KCNIP4: variants seen among roughly 807,000 people sequenced by gnomAD.
KCNIP4 encodes the protein potassium voltage-gated channel interacting protein 4, also known as Kv channel-interacting protein 4.
Under a neutral mutation model 34.0 loss-of-function variants are expected in KCNIP4, and 12 were observed. The ratio of observed to expected loss-of-function variants is 0.35; its 90% CI spans 0.23 to 0.57. The LOEUF (loss-of-function observed/expected upper bound fraction) is 0.57, where lower values mean the gene tolerates loss of function less well. Ranked by LOEUF, KCNIP4 falls within the 20% of genes least tolerant of loss-of-function variation. The probability of loss-of-function intolerance (pLI) is 0.83; values close to 1 mark genes in which losing one functional copy is unlikely to be tolerated. For missense variants in KCNIP4, 238 were observed against 311.7 expected (o/e 0.76, Z 1.78); for synonymous variants, 124 against 102.2 (o/e 1.21, Z -1.29).
intron 1 of KCNIP4, among the ~76,000 whole-genome samples, chr4:21,742,224 A>T (rs1390474371): frequency 6.6e-6 from 1 of 152,184 alleles, no homozygotes; most frequent in African/African-American, 2.4e-5. Context: ...TTTGTTGTCC[A>T]ACCATGCATT....
intron 1 of KCNIP4, among the ~76,000 whole-genome samples, chr4:21,947,549 G>C (rs751716614): frequency 2.0e-5 from 3 of 152,136 alleles, no homozygotes; most frequent in Non-Finnish European, 4.4e-5. Flanking sequence ...CCATAAATTC[G>C]AATGATTGAC....
intron 3 of KCNIP4, among the ~76,000 whole-genome samples, chr4:20,810,606 C>T (rs1443982335): frequency 3.3e-5 from 5 of 152,014 alleles, no homozygotes; most frequent in Admixed American, 6.6e-5. Context: ...TTTAGTCTTC[C>T]ATGTGAATGT....
At chr4:21,896,466 A>C (rs1387162645) in intron 1 of KCNIP4, among the ~76,000 whole-genome samples, 1 of 152,128 alleles carries the variant, frequency 6.6e-6, no homozygotes, top group Non-Finnish European at 1.5e-5. Context: ...GGCATATTCT[A>C]GGATATGAGA....
chr4:20,918,307 C>T (rs1729044122), intron 1 of KCNIP4, among the ~76,000 whole-genome samples: 1 of 151,998 alleles, frequency 6.6e-6, no homozygotes, highest in Middle Eastern at 3.2e-3. Flanking sequence ...CACTCTAGGT[C>T]CATATTCCTC....
intron 1 of KCNIP4, among the ~76,000 whole-genome samples, chr4:21,542,701 A>T (rs1034899711): frequency 1.3e-5 from 2 of 150,474 alleles, no homozygotes; most frequent in South Asian, 2.1e-4. Context: ...TATATATAAA[A>T]ATATATATAT....
chr4:20,922,593 G>C (rs542037718), intron 1 of KCNIP4, among the ~76,000 whole-genome samples: 2 of 114,956 alleles, frequency 1.7e-5, no homozygotes, highest in Non-Finnish European at 3.9e-5. Flanking sequence ...ATCTCCTATT[G>C]GTTCTATTTC....
chr4:21,824,613 C>A (rs558052615), intron 1 of KCNIP4, among the ~76,000 whole-genome samples: 2 of 152,096 alleles, frequency 1.3e-5, no homozygotes, highest in Non-Finnish European at 2.9e-5. Flanking sequence ...TGGCCTTGCA[C>A]CCACAAAATT....
chr4:21,559,849 C>G (rs967453217), intron 1 of KCNIP4, among the ~76,000 whole-genome samples: 1 of 152,218 alleles, frequency 6.6e-6, no homozygotes, highest in East Asian at 1.9e-4. Context: ...TACTTCTATT[C>G]TTTCTCCCAT....
At chr4:21,516,943 G>A (rs558143852) in intron 1 of KCNIP4, among the ~76,000 whole-genome samples, 1 of 152,266 alleles carries the variant, frequency 6.6e-6, no homozygotes, top group South Asian at 2.1e-4. Context: ...GCACTCTGGA[G>A]AATACCAAAG....
At chr4:21,581,611 A>G (rs957060281) in intron 1 of KCNIP4, among the ~76,000 whole-genome samples, 4 of 152,016 alleles carry the variant, frequency 2.6e-5, no homozygotes, top group Non-Finnish European at 5.9e-5. Flanking sequence ...CTGCACAGTT[A>G]TTAAAGGGCT....
At chr4:21,948,215 G>A (rs1730609232) in intron 1 of KCNIP4, among the ~76,000 whole-genome samples, 1 of 152,226 alleles carries the variant, frequency 6.6e-6, no homozygotes, top group Non-Finnish European at 1.5e-5. Flanking sequence ...ATCCCCAGGT[G>A]TTAGGGGAAG....
chr4:21,600,070 C>T (rs1424017093), intron 1 of KCNIP4, among the ~76,000 whole-genome samples: 3 of 152,064 alleles, frequency 2.0e-5, no homozygotes, highest in Non-Finnish European at 4.4e-5. Context: ...TTTCAAACTG[C>T]TTCTTTCTTC....
At chr4:21,637,629 A>G (rs1028890745) in intron 1 of KCNIP4, among the ~76,000 whole-genome samples, 6 of 151,924 alleles carry the variant, frequency 3.9e-5, no homozygotes, top group African/African-American at 1.5e-4. Context: ...CTAATAATAC[A>G]AAAATTAGCT....
intron 1 of KCNIP4, among the ~76,000 whole-genome samples, chr4:21,355,579 A>G (rs977312353): frequency 6.6e-6 from 1 of 152,170 alleles, no homozygotes; most frequent in Non-Finnish European, 1.5e-5. Context: ...CTGGACACAA[A>G]CACCCTCCCA....
chr4:20,986,781 T>C (rs1299866683), intron 1 of KCNIP4, among the ~76,000 whole-genome samples: 1 of 152,230 alleles, frequency 6.6e-6, no homozygotes, highest in Non-Finnish European at 1.5e-5. Flanking sequence ...CCTATCTTTT[T>C]TGAAATTCAC....
At chr4:21,302,470 T>C (rs1007530864) in intron 1 of KCNIP4, among the ~76,000 whole-genome samples, 1 of 152,162 alleles carries the variant, frequency 6.6e-6, no homozygotes, top group Non-Finnish European at 1.5e-5. Flanking sequence ...CCAATCACAT[T>C]TGCCAACTAA....
At chr4:21,194,579 A>G (rs1755917022) in intron 1 of KCNIP4, among the ~76,000 whole-genome samples, 1 of 152,198 alleles carries the variant, frequency 6.6e-6, no homozygotes, top group Non-Finnish European at 1.5e-5. Flanking sequence ...AGGTGTGGTC[A>G]TACCTTGTGG....
intron 1 of KCNIP4, among the ~76,000 whole-genome samples, chr4:20,988,323 C>T (rs1303458623): frequency 6.6e-6 from 1 of 152,178 alleles, no homozygotes; most frequent in Non-Finnish European, 1.5e-5. Context: ...TAAAAACTCA[C>T]TCCAAGGACG....
At chr4:21,893,980 T>A (rs1413046133) in intron 1 of KCNIP4, among the ~76,000 whole-genome samples, 1 of 152,096 alleles carries the variant, frequency 6.6e-6, no homozygotes, top group Non-Finnish European at 1.5e-5. Flanking sequence ...TACACTTTTA[T>A]CATATATATG....
Sources: allele counts gnomAD v4.1 joint callset (sites outside exome capture counted in the v4.1 genomes callset), GRCh38; gene constraint gnomAD v4.1.1; transcripts MANE v1.5; gene names NCBI Gene and HGNC (gene_info 2026-07-23, HGNC 2026-07-21).